Variants in FAM177B observed in about 807,000 individuals in gnomAD.
FAM177B encodes family with sequence similarity 177 member B, also known as protein FAM177B.
Under a neutral mutation model 16.1 loss-of-function variants are expected in FAM177B, and 16 were observed. That is an observed-to-expected ratio of 0.99 (90% CI 0.67 to 1.51). FAM177B has a LOEUF of 1.51. Ranked by LOEUF, FAM177B falls within the 40% of genes most tolerant of loss-of-function variation. The pLI is 0.00. For missense variants in FAM177B, 178 were observed against 183.7 expected (o/e 0.97, Z 0.18); for synonymous variants, 56 against 59.9 (o/e 0.93, Z 0.30).
At chr1:222,739,420 TC>T (rs1240642814) in intron 2 of FAM177B, among the ~76,000 whole-genome samples, 1 of 152,196 alleles carries the variant, frequency 6.6e-6, no homozygotes, top group African/African-American at 2.4e-5. Context: ...AGGGCACTGG[TC>T]CCCAAACTTG....
intron 2 of FAM177B, among the ~76,000 whole-genome samples, chr1:222,745,682 A>G (rs756049053): frequency 1.1e-4 from 16 of 151,592 alleles, no homozygotes; most frequent in Non-Finnish European, 1.5e-4. Context: ...AGCACTTTGG[A>G]AGGCCAAGGT....
At chr1:222,741,040 A>C (rs1366218815) in intron 2 of FAM177B, among the ~76,000 whole-genome samples, 1 of 131,732 alleles carries the variant, frequency 7.6e-6, no homozygotes, top group African/African-American at 2.8e-5. Flanking sequence ...TATTTATTGC[A>C]TCTTACTTTT....
chr1:222,745,456 A>T lies in FAM177B; in HGVS notation c.-15-1075A>T, dbSNP rs192743188. Among the ~76,000 whole-genome samples, 398 of 152,118 alleles carry T rather than the reference A, an allele frequency of 2.6e-3. 4 individuals are homozygous for T. Among genetic ancestry groups the T allele is most frequent in the South Asian group, 4.6e-3 (22 of 4,818 alleles). ...GTGAGACCCCATCTCTATAAAAAAAAATTTTTTTTAATTAGCCAGGCTTGG... is the reference window on the plus strand; with the variant it reads ...GTGAGACCCCATCTCTATAAAAAAATATTTTTTTTAATTAGCCAGGCTTGG... On this transcript the variant is annotated intron_variant, in intron 2 of 5. Transcript: ENST00000445590.
At chr1:222,741,773 C>CCTTTCTTTCTTTTTCTTT (rs1380480438) in intron 2 of FAM177B, among the ~76,000 whole-genome samples, 2 of 125,374 alleles carry the variant, frequency 1.6e-5, no homozygotes, top group East Asian at 2.7e-4. Flanking sequence ...TTTCTTTCTT[C>CCTTTCTTTCTTTTTCTTT]CTTTCTTTCT....
At chr1:222,748,188 A>G (rs1207107911) in intron 4 of FAM177B, among the ~76,000 whole-genome samples, 1 of 152,178 alleles carries the variant, frequency 6.6e-6, no homozygotes, top group African/African-American at 2.4e-5. Flanking sequence ...AATCCCGTGA[A>G]TACCAACCCT....
rs143780662 is a variant in FAM177B, at chr1:222,746,687, G to C, written c.142G>C (p.Glu48Gln). The C allele has an allele frequency of 1.2e-3, 1,880 of 1,613,518 alleles. 16 individuals carry two copies. Among genetic ancestry groups the C allele is most frequent in the Non-Finnish European group, 4.7e-4 (550 of 1,179,628 alleles). ...AGAGGAGGAGGAGGAAGAGGAAAAGGAGGAGCAGAGCACAAATTCAACACT... is the reference window on the plus strand; with the variant it reads ...AGAGGAGGAGGAGGAAGAGGAAAAGCAGGAGCAGAGCACAAATTCAACACT... Reference protein sequence around the residue: ...STEEEEEEEKEEQSTNSTLDP... With the variant: ...STEEEEEEEKQEQSTNSTLDP... Residue 48 changes from glutamate to glutamine, a missense_variant, in exon 3 of 6, where the codon GAG becomes CAG. Physicochemically the swap from Glu to Gln is conservative, Grantham distance 29. Coordinates refer to ENST00000445590, the MANE Select transcript of FAM177B (RefSeq NM_001394345.1).
intron 2 of FAM177B, among the ~76,000 whole-genome samples, chr1:222,745,486 A>C (rs2125063194): frequency 6.6e-6 from 1 of 152,294 alleles, no homozygotes; most frequent in East Asian, 1.9e-4. Flanking sequence ...GCTTGGTGGC[A>C]CGCACCTGTG....
intron 4 of FAM177B, chr1:222,748,813 C>A: frequency 3.0e-6 from 1 of 333,550 alleles, no homozygotes; most frequent in Admixed American, 4.4e-5. Context: ...TAGAATGAGT[C>A]AGAGGAATCA....
intron 2 of FAM177B, among the ~76,000 whole-genome samples, chr1:222,744,523 T>C (rs1424472728): frequency 2.0e-5 from 3 of 151,560 alleles, no homozygotes; most frequent in South Asian, 2.1e-4. Context: ...CCTTACAACA[T>C]TGGAATACTG....
At chr1:222,743,320 G>A (rs905108391) in intron 2 of FAM177B, among the ~76,000 whole-genome samples, 1 of 150,422 alleles carries the variant, frequency 6.6e-6, no homozygotes, top group Non-Finnish European at 1.5e-5. Context: ...GCTAATTTTT[G>A]TGTTTTGTTT....
In FAM177B at chr1:222,750,389, G is replaced by C; in HGVS notation, c.*331G>C. On this transcript the variant is annotated 3_prime_UTR_variant, in exon 6 of 6. Coordinates refer to ENST00000445590, the MANE Select transcript of FAM177B (RefSeq NM_001394345.1). Reference sequence around the variant, plus strand: ...ATGCCTTAAGGAACTTTGGGACTGGGAGTTTTTGGCTGAAATCCTCTGTCA... The same window carrying C: ...ATGCCTTAAGGAACTTTGGGACTGGCAGTTTTTGGCTGAAATCCTCTGTCA... The C allele has an allele frequency of 9.5e-7, 1 of 1,047,410 alleles. No individual in the cohort carries two copies. The highest frequency in any genetic ancestry group is 1.1e-6 in the Non-Finnish European group (1 of 871,236). 64.9% of individuals were successfully genotyped at this position (1,047,410 alleles called of 1,614,324 possible). A position where few individuals can be genotyped will look rare whatever the true frequency, so the allele number is the denominator to read the frequency against.
At chr1:222,745,072 C>A (rs1658730843) in intron 2 of FAM177B, among the ~76,000 whole-genome samples, 2 of 152,194 alleles carry the variant, frequency 1.3e-5, no homozygotes, top group Non-Finnish European at 2.9e-5. Flanking sequence ...TAGCATAATA[C>A]ATTTGAGAGT....
At chr1:222,744,036 T>C (rs1658674446) in intron 2 of FAM177B, among the ~76,000 whole-genome samples, 1 of 152,250 alleles carries the variant, frequency 6.6e-6, no homozygotes, top group Non-Finnish European at 1.5e-5. Context: ...CTCTCTTTTT[T>C]CTGCTTCCTT....
intron 2 of FAM177B, chr1:222,739,704 A>G (rs1044703672): frequency 6.6e-6 from 1 of 152,234 alleles, no homozygotes; most frequent in African/African-American, 2.4e-5. Flanking sequence ...AGTGCACTGT[A>G]TGGCCTCAGC....
In FAM177B at chr1:222,746,533, G is replaced by A; in HGVS notation, c.-13G>A. The A allele has an allele frequency of 6.4e-7, 1 of 1,567,856 alleles. No homozygotes were observed. Among genetic ancestry groups the A allele is most frequent in the Non-Finnish European group, 8.7e-7 (1 of 1,150,300 alleles). The stretch of plus-strand genomic sequence containing the variant: ...GTGCCCTGTTTTTAATTTTCTAGTT[G>A]TTTTGTTTCATTATGGAGATTGACG... On this transcript the variant is annotated splice_region_variant and 5_prime_UTR_variant, in exon 3 of 6. Coordinates refer to ENST00000445590, the MANE Select transcript of FAM177B (RefSeq NM_001394345.1).
At chr1:222,744,494 A>G (rs1276978092) in intron 2 of FAM177B, among the ~76,000 whole-genome samples, 1 of 152,054 alleles carries the variant, frequency 6.6e-6, no homozygotes, top group Non-Finnish European at 1.5e-5. Context: ...AAAAAAGGCA[A>G]AAATACATGT....
chr1:222,739,796 A>G (rs1658443125), intron 2 of FAM177B: 1 of 152,202 alleles, frequency 6.6e-6, no homozygotes, highest in African/African-American at 2.4e-5. Context: ...AACACCAAAC[A>G]TCACTAATTA....
Position 222,747,018 on chromosome 1 carries a change from A to C in FAM177B, c.178A>C (p.Lys60Gln), listed in dbSNP as rs1225879275. 6.2e-7 allele frequency: 1 copy of C among 1,606,898 alleles called. No homozygotes were observed. ...TCTCAATTTCTCCTTTTTTCAGTCT[A>C]AACTTTCCTGGGGGCCCTACCTACG... ...QSTNSTLDPSKLSWGPYLRFW... is the reference protein window; with the variant it reads ...QSTNSTLDPSQLSWGPYLRFW... The change falls in exon 4 of 6, where the codon AAA becomes CAA. Residue 60 changes from lysine to glutamine, a missense_variant. Physicochemically the swap from Lys to Gln is moderately conservative, Grantham distance 53 (BLOSUM62 1). Transcript: ENST00000445590.
chr1:222,749,286 T>C (rs2125066248), intron 4 of FAM177B, 179 bp from the exon 5 acceptor site: 2 of 551,360 alleles, frequency 3.6e-6, no homozygotes, highest in South Asian at 5.0e-5. Context: ...AAATTTCCTT[T>C]GAATCCTAGA....
Sources: allele counts gnomAD v4.1 joint callset (sites outside exome capture counted in the v4.1 genomes callset), GRCh38; gene constraint gnomAD v4.1.1; transcripts MANE v1.5; gene names NCBI Gene and HGNC (gene_info 2026-07-23, HGNC 2026-07-21).